Variants in RANBP2 observed in about 807,000 individuals in gnomAD.
RANBP2 encodes E3 SUMO-protein ligase RanBP2.
Under a neutral mutation model 303.6 loss-of-function variants are expected in RANBP2, and 57 were observed. The ratio of observed to expected loss-of-function variants is 0.19; its 90% CI spans 0.15 to 0.23. RANBP2 has a LOEUF of 0.23. Among genes scored for constraint, RANBP2 ranks in the 10% least tolerant of loss-of-function variants. RANBP2 has a pLI of 1.00. For synonymous variants in RANBP2, 1,167 were observed against 1,301.5 expected (o/e 0.90, Z 2.23); for missense variants, 3,138 against 3,780.8 (o/e 0.83, Z 4.46).
the RANBP2 span, among the ~76,000 whole-genome samples, chr2:109,712,376 C>A: frequency 1.3e-5 from 2 of 152,186 alleles, no homozygotes; most frequent in Admixed American, 6.5e-5. Context: ...GTAGAACTTT[C>A]ATGGGTCCTG....
At chr2:109,734,061 C>T in the RANBP2 span, among the ~76,000 whole-genome samples, 55 of 151,664 alleles carry the variant, frequency 3.6e-4, no homozygotes, top group African/African-American at 1.1e-3. Flanking sequence ...TGCCTGTAAT[C>T]CCAGCTACTT....
the RANBP2 span, among the ~76,000 whole-genome samples, chr2:109,239,814 C>G: frequency 6.6e-6 from 1 of 152,332 alleles, no homozygotes; most frequent in Non-Finnish European, 1.5e-5. Context: ...GGCCACCTGC[C>G]TTTCATCCCC....
At chr2:109,106,156 CG>C in the RANBP2 span, among the ~76,000 whole-genome samples, 1 of 152,034 alleles carries the variant, frequency 6.6e-6, no homozygotes, top group African/African-American at 2.4e-5. Context: ...CCACCATGCT[CG>C]GCCCTGCTCT....
At chr2:109,037,870 A>G in the RANBP2 span, among the ~76,000 whole-genome samples, 11 of 152,232 alleles carry the variant, frequency 7.2e-5, no homozygotes, top group Admixed American at 1.3e-4. Flanking sequence ...AAGGATGTCA[A>G]TTCTCTCCAG....
the RANBP2 span, among the ~76,000 whole-genome samples, chr2:108,916,100 A>G: frequency 1.3e-5 from 2 of 152,038 alleles, no homozygotes; most frequent in Non-Finnish European, 2.9e-5. Flanking sequence ...AGCCTCCCAC[A>G]CTTCATCAGG....
chr2:109,168,114 G>A, the RANBP2 span, among the ~76,000 whole-genome samples: 4 of 152,270 alleles, frequency 2.6e-5, no homozygotes, highest in East Asian at 1.9e-4. Flanking sequence ...TTTATGATGC[G>A]TTGAGTGCCT....
chr2:108,798,058 A>G, the RANBP2 span, among the ~76,000 whole-genome samples: 1 of 151,796 alleles, frequency 6.6e-6, no homozygotes, highest in African/African-American at 2.4e-5. Flanking sequence ...CTTTCAGCCC[A>G]AGGTGATAGA....
chr2:109,680,973 T>C, the RANBP2 span, among the ~76,000 whole-genome samples: 23 of 152,170 alleles, frequency 1.5e-4, no homozygotes, highest in Admixed American at 1.4e-3. Context: ...CCTAAATTCA[T>C]AGATACAGTC....
the RANBP2 span, among the ~76,000 whole-genome samples, chr2:109,577,842 G>T: frequency 1.3e-4 from 19 of 150,676 alleles, no homozygotes; most frequent in Non-Finnish European, 2.1e-4. Context: ...GAACCCAGGA[G>T]GGGGAGGTTA....
chr2:109,210,564 A>G, the RANBP2 span, among the ~76,000 whole-genome samples: 42,704 of 152,044 alleles, frequency 0.28, 6,350 homozygotes, highest in East Asian at 0.46. Flanking sequence ...CTCAGGGCAA[A>G]TGGCCTAAGC....
At chr2:109,555,085 G>A in the RANBP2 span, among the ~76,000 whole-genome samples, 9 of 152,190 alleles carry the variant, frequency 5.9e-5, no homozygotes, top group Non-Finnish European at 7.4e-5. Context: ...TCATCTCTGA[G>A]CTTCTAGTTC....
At chr2:109,423,695 C>T in the RANBP2 span, among the ~76,000 whole-genome samples, 1 of 152,230 alleles carries the variant, frequency 6.6e-6, no homozygotes, top group Non-Finnish European at 1.5e-5. Context: ...GCCGCCCAGC[C>T]TCCTTTGACA....
At chr2:109,005,421 G>C in the RANBP2 span, among the ~76,000 whole-genome samples, 3 of 152,146 alleles carry the variant, frequency 2.0e-5, no homozygotes, top group South Asian at 6.2e-4. Flanking sequence ...TCCCCAAACT[G>C]CCCTCCAAGT....
chr2:108,764,415 A>C lies in RANBP2; in HGVS notation c.3876A>C (p.Ala1292=). 1 of 1,614,064 alleles carries C rather than the reference A, an allele frequency of 6.2e-7. No individual in the cohort carries two copies. Among genetic ancestry groups the C allele is most frequent in the Non-Finnish European group, 8.5e-7 (1 of 1,179,976 alleles). ...AIRFKTPEEA[A]LFKCKFEEAQ... is the part of the protein sequence containing the mutation. ...GGTTCAAAACTCCTGAGGAAGCAGC[A>C]CTTTTTAAATGCAAGTTTGAAGAAG... Residue 1292 remains alanine, a synonymous_variant, in exon 20 of 29, where the codon GCA becomes GCC. Coordinates refer to ENST00000283195, the MANE Select transcript of RANBP2 (RefSeq NM_006267.5).
chr2:109,400,396 G>A, the RANBP2 span, among the ~76,000 whole-genome samples: 78,766 of 151,918 alleles, frequency 0.52, 20,818 homozygotes, highest in South Asian at 0.6. Context: ...ACACATGCAC[G>A]CACATATACA....
chr2:109,724,173 T>C, the RANBP2 span, among the ~76,000 whole-genome samples: 82 of 152,118 alleles, frequency 5.4e-4, no homozygotes, highest in African/African-American at 1.8e-3. Context: ...TACTATAGCC[T>C]TGTAGTATAG....
the RANBP2 span, among the ~76,000 whole-genome samples, chr2:108,845,049 AT>A: frequency 6.7e-6 from 1 of 149,236 alleles, no homozygotes; most frequent in African/African-American, 2.5e-5. Context: ...CCTGGCCCAC[AT>A]TTTTTTTTCA....
the RANBP2 span, among the ~76,000 whole-genome samples, chr2:109,721,670 C>T: frequency 1.4e-4 from 22 of 152,356 alleles, no homozygotes; most frequent in East Asian, 2.5e-3. Flanking sequence ...TATCAATCCA[C>T]CGCTTTTTAA....
the RANBP2 span, among the ~76,000 whole-genome samples, chr2:108,980,098 G>A: frequency 6.6e-6 from 1 of 150,582 alleles, no homozygotes; most frequent in African/African-American, 2.4e-5. Context: ...AATGGTGTGG[G>A]GTGGGGTGGG....
Sources: gnomAD v4.1 joint callset for allele counts (sites outside exome capture counted in the v4.1 genomes callset) on GRCh38, gnomAD v4.1.1 for gene constraint, MANE v1.5 for transcripts, NCBI Gene and HGNC (gene_info 2026-07-23, HGNC 2026-07-21) for gene names.